PPP2R2B: variants seen among roughly 807,000 people sequenced by gnomAD.
PPP2R2B encodes the protein serine/threonine-protein phosphatase 2A 55 kDa regulatory subunit B beta isoform.
In PPP2R2B, 5 loss-of-function variants were observed where a neutral mutation model predicts 46.0. The ratio of observed to expected loss-of-function variants is 0.11; its 90% CI spans 0.06 to 0.23. PPP2R2B has a LOEUF of 0.23. PPP2R2B is among the 10% of genes least tolerant of loss of function. The probability of loss-of-function intolerance (pLI) is 1.00; values close to 1 mark genes in which losing one functional copy is unlikely to be tolerated. For missense variants in PPP2R2B, 367 were observed against 575.0 expected (o/e 0.64, Z 3.70); for synonymous variants, 215 against 206.7 (o/e 1.04, Z -0.34).
chr5:147,024,040 C>T (rs115767072), intron 1 of PPP2R2B, among the ~76,000 whole-genome samples: 2,390 of 152,254 alleles, frequency 0.016, 18 homozygotes, highest in Non-Finnish European at 0.023. Flanking sequence ...GGCCTTTGGG[C>T]CCAGACTGAG....
At chr5:147,012,872 C>A (rs1460035231) in intron 1 of PPP2R2B, among the ~76,000 whole-genome samples, 2 of 152,082 alleles carry the variant, frequency 1.3e-5, no homozygotes, top group Non-Finnish European at 2.9e-5. Flanking sequence ...TGTTCAGTTT[C>A]CATGCAGTTG....
At chr5:147,023,198 C>T (rs752853841) in intron 1 of PPP2R2B, among the ~76,000 whole-genome samples, 2 of 152,088 alleles carry the variant, frequency 1.3e-5, no homozygotes, top group Middle Eastern at 3.4e-3. Context: ...TTACATTATA[C>T]GTAAGTGGAA....
At chr5:146,932,119 T>C (rs940245294) in intron 1 of PPP2R2B, among the ~76,000 whole-genome samples, 2 of 152,238 alleles carry the variant, frequency 1.3e-5, no homozygotes, top group Non-Finnish European at 2.9e-5. Flanking sequence ...CAGTAACTAT[T>C]TACAAACATC....
At chr5:146,839,427 G>A (rs903675008) in intron 2 of PPP2R2B, among the ~76,000 whole-genome samples, 7 of 152,186 alleles carry the variant, frequency 4.6e-5, no homozygotes, top group Non-Finnish European at 8.8e-5. Flanking sequence ...GGCTGGGGCA[G>A]GAGAATCGCT....
chr5:146,651,006 G>A (rs1401286565), intron 5 of PPP2R2B, among the ~76,000 whole-genome samples: 1 of 151,938 alleles, frequency 6.6e-6, no homozygotes, highest in African/African-American at 2.4e-5. Flanking sequence ...TCATCTCAGG[G>A]GAACTTGGCT....
chr5:146,800,646 G>A (rs1276769980), intron 2 of PPP2R2B, among the ~76,000 whole-genome samples: 1 of 149,178 alleles, frequency 6.7e-6, no homozygotes, highest in Admixed American at 6.7e-5. Context: ...TGGGGGGGTG[G>A]ACTAGGTCAC....
chr5:146,672,265 G>A (rs1334898506), intron 5 of PPP2R2B, among the ~76,000 whole-genome samples: 5 of 152,180 alleles, frequency 3.3e-5, no homozygotes, highest in Admixed American at 3.3e-4. Flanking sequence ...CAAAGCATTG[G>A]TTTTTGATGT....
intron 2 of PPP2R2B, among the ~76,000 whole-genome samples, chr5:146,835,609 A>G (rs988832669): frequency 6.6e-6 from 1 of 152,166 alleles, no homozygotes; most frequent in African/African-American, 2.4e-5. Flanking sequence ...AGTGTATTCC[A>G]GCTCTCACAG....
At chr5:146,634,786 C>A (rs530354953) in intron 7 of PPP2R2B, among the ~76,000 whole-genome samples, 1 of 151,776 alleles carries the variant, frequency 6.6e-6, no homozygotes, top group Non-Finnish European at 1.5e-5. Flanking sequence ...ACACACACCC[C>A]CTACTGGTTC....
chr5:146,857,983 C>A (rs1760776705), intron 2 of PPP2R2B, among the ~76,000 whole-genome samples: 1 of 152,184 alleles, frequency 6.6e-6, no homozygotes, highest in Non-Finnish European at 1.5e-5. Context: ...CCACCATGCC[C>A]AGCCAACTGT....
chr5:146,912,279 C>T (rs182296754), intron 1 of PPP2R2B, among the ~76,000 whole-genome samples: 1 of 144,632 alleles, frequency 6.9e-6, no homozygotes, highest in Admixed American at 7.0e-5. Flanking sequence ...AAGAGAGGTA[C>T]AGCATACCCT....
chr5:146,901,760 C>CGAAA (rs1762843956), intron 1 of PPP2R2B, among the ~76,000 whole-genome samples: 1 of 151,998 alleles, frequency 6.6e-6, no homozygotes, highest in Non-Finnish European at 1.5e-5. Flanking sequence ...AAAATACTTT[C>CGAAA]CATTGAGGTA....
intron 2 of PPP2R2B, among the ~76,000 whole-genome samples, chr5:146,736,284 C>A (rs1382991751): frequency 6.6e-6 from 1 of 152,156 alleles, no homozygotes; most frequent in African/African-American, 2.4e-5. Context: ...TATAAGTTAC[C>A]CATTCTTGGG....
chr5:146,606,839 G>C (rs922829993), intron 7 of PPP2R2B: 1 of 152,186 alleles, frequency 6.6e-6, no homozygotes, highest in South Asian at 2.1e-4. Flanking sequence ...GATGACGCGG[G>C]CAGATGAGAG....
chr5:147,023,396 G>A (rs1314011579), intron 1 of PPP2R2B, among the ~76,000 whole-genome samples: 1 of 152,072 alleles, frequency 6.6e-6, no homozygotes, highest in Non-Finnish European at 1.5e-5. Context: ...TAGCAAGATG[G>A]TAAATTTAAA....
At chr5:146,616,269 G>T (rs1773161186) in intron 7 of PPP2R2B, among the ~76,000 whole-genome samples, 1 of 152,150 alleles carries the variant, frequency 6.6e-6, no homozygotes, top group Admixed American at 6.5e-5. Context: ...TAAGACCTTA[G>T]AGCATGAAAC....
intron 2 of PPP2R2B, among the ~76,000 whole-genome samples, chr5:146,819,818 A>G (rs1315800386): frequency 6.6e-6 from 1 of 152,200 alleles, no homozygotes; most frequent in African/African-American, 2.4e-5. Flanking sequence ...CTGCACTCCC[A>G]TGTTTACTGC....
intron 1 of PPP2R2B, among the ~76,000 whole-genome samples, chr5:146,921,266 A>G (rs1190903102): frequency 6.6e-6 from 1 of 152,240 alleles, no homozygotes; most frequent in East Asian, 1.9e-4. Context: ...TCATCTGCTA[A>G]GTAGTCAGCA....
At position 146,691,242 on chromosome 5, in the gene PPP2R2B, T is replaced by C; in HGVS notation, c.335-2A>G. 6.2e-7 allele frequency: 1 copy of C among 1,612,970 alleles called. No individual in the cohort carries two copies. Among genetic ancestry groups the C allele is most frequent in the Non-Finnish European group, 8.5e-7 (1 of 1,179,186 alleles). On this transcript the variant is annotated splice_acceptor_variant, in intron 4 of 9. Coordinates refer to ENST00000394411, the MANE Select transcript of PPP2R2B (RefSeq NM_181675.4). LOFTEE classifies it high-confidence loss of function. ...CTTTCCACAGCTTCACAGTTTTATC[T>C]GTAGTGGGCAACCAGATTAAGTCAG...
Sources: gnomAD v4.1 joint callset for allele counts (sites outside exome capture counted in the v4.1 genomes callset) on GRCh38, gnomAD v4.1.1 for gene constraint, MANE v1.5 for transcripts, NCBI Gene and HGNC (gene_info 2026-07-23, HGNC 2026-07-21) for gene names.